Variants in XYLT1 observed in about 807,000 individuals in gnomAD.
XYLT1 encodes the protein beta-D-xylosyltransferase 1.
XYLT1 carries 36 observed loss-of-function variants against 91.3 expected under a neutral mutation model. The observed-to-expected ratio is 0.39, with a 90% CI of 0.30 to 0.52. The LOEUF is 0.52. XYLT1 is among the 20% of genes least tolerant of loss of function. XYLT1 has a pLI of 0.68. For missense variants in XYLT1, 1,242 were observed against 1,284.5 expected, an observed-to-expected ratio of 0.97 and a Z score of 0.51; for synonymous variants, 588 against 532.0, an observed-to-expected ratio of 1.11 and a Z score of -1.45.
intron 1 of XYLT1, among the ~76,000 whole-genome samples, chr16:17,378,523 C>T (rs1460951606): frequency 6.6e-6 from 1 of 152,174 alleles, no homozygotes; most frequent in Non-Finnish European, 1.5e-5. Flanking sequence ...AGTTAGTATT[C>T]TAGCAAGATG....
At chr16:17,156,024 A>G (rs976459423) in intron 6 of XYLT1, among the ~76,000 whole-genome samples, 1 of 152,208 alleles carries the variant, frequency 6.6e-6, no homozygotes, top group Admixed American at 6.5e-5. Flanking sequence ...ATAAACATTT[A>G]CTATGCCAAA....
At chr16:17,124,778 C>G (rs1201912684) in intron 10 of XYLT1, among the ~76,000 whole-genome samples, 1 of 131,158 alleles carries the variant, frequency 7.6e-6, no homozygotes, top group African/African-American at 2.7e-5. Context: ...TTCGTGAAGG[C>G]TTTGTTCATT....
intron 1 of XYLT1, among the ~76,000 whole-genome samples, chr16:17,368,824 T>C (rs2035488944): frequency 6.6e-6 from 1 of 152,112 alleles, no homozygotes; most frequent in Admixed American, 6.6e-5. Context: ...TCTCAAGTGA[T>C]CCTACTGCCT....
At chr16:17,325,750 A>G (rs1338480117) in intron 2 of XYLT1, among the ~76,000 whole-genome samples, 1 of 152,218 alleles carries the variant, frequency 6.6e-6, no homozygotes, top group African/African-American at 2.4e-5. Flanking sequence ...AGCATTTTTG[A>G]GAGTCTTACC....
At chr16:17,166,389 C>T (rs967675409) in intron 5 of XYLT1, among the ~76,000 whole-genome samples, 6 of 152,262 alleles carry the variant, frequency 3.9e-5, no homozygotes, top group African/African-American at 1.4e-4. Context: ...ATAGAAGGTG[C>T]TAAGTAAGTA....
chr16:17,458,825 G>A (rs183969384), intron 1 of XYLT1, among the ~76,000 whole-genome samples: 209 of 152,076 alleles, frequency 1.4e-3, no homozygotes, highest in African/African-American at 4.2e-3. Flanking sequence ...TGAAGCTGCC[G>A]TTTTGATTGG....
chr16:17,356,881 A>T (rs986246229), intron 2 of XYLT1, among the ~76,000 whole-genome samples: 1 of 152,114 alleles, frequency 6.6e-6, no homozygotes, highest in African/African-American at 2.4e-5. Flanking sequence ...CTATTGGTTT[A>T]AAAAGCTGCC....
At chr16:17,306,959 T>C (rs62033205) in intron 2 of XYLT1, among the ~76,000 whole-genome samples, 31,667 of 152,144 alleles carry the variant, frequency 0.21, 3,987 homozygotes, top group Middle Eastern at 0.31. Context: ...AAGCCTGAAC[T>C]TGGGAGTGTA....
chr16:17,342,705 G>C (rs1442228929), intron 2 of XYLT1, among the ~76,000 whole-genome samples: 1 of 151,482 alleles, frequency 6.6e-6, no homozygotes, highest in Admixed American at 6.6e-5. Flanking sequence ...CTGGGCAACA[G>C]AGAGAGACCC....
At chr16:17,293,475 A>G (rs75249223) in intron 2 of XYLT1, among the ~76,000 whole-genome samples, 1,912 of 150,954 alleles carry the variant, frequency 0.013, 65 homozygotes, top group Admixed American at 0.074. Flanking sequence ...TTTTTAACAT[A>G]AAGATTTTCT....
At chr16:17,191,217 A>G in intron 5 of XYLT1, among the ~76,000 whole-genome samples, 1 of 152,226 alleles carries the variant, frequency 6.6e-6, no homozygotes, top group East Asian at 1.9e-4. Flanking sequence ...AAGCACTTAG[A>G]ATAATGCTAG....
At chr16:17,213,454 T>A (rs1407989186) in intron 3 of XYLT1, among the ~76,000 whole-genome samples, 1 of 152,156 alleles carries the variant, frequency 6.6e-6, no homozygotes, top group Non-Finnish European at 1.5e-5. Context: ...GAGGGAGGCA[T>A]TCTGACTATT....
At chr16:17,376,071 C>T (rs1596511284) in intron 1 of XYLT1, among the ~76,000 whole-genome samples, 1 of 152,378 alleles carries the variant, frequency 6.6e-6, no homozygotes, top group South Asian at 2.1e-4. Flanking sequence ...GACTGTGGAT[C>T]ACAGCCAGCG....
chr16:17,277,757 G>A (rs1388016187), intron 2 of XYLT1, among the ~76,000 whole-genome samples: 1 of 152,158 alleles, frequency 6.6e-6, no homozygotes, highest in Non-Finnish European at 1.5e-5. Flanking sequence ...AGAACATGTG[G>A]TATGTAGTCT....
At chr16:17,126,759 A>G (rs532464774) in intron 10 of XYLT1, among the ~76,000 whole-genome samples, 53 of 152,304 alleles carry the variant, frequency 3.5e-4, no homozygotes, top group African/African-American at 1.2e-3. Context: ...TTTTGTGTGA[A>G]TAACACGCAC....
chr16:17,297,582 G>T (rs1327457779), intron 2 of XYLT1, among the ~76,000 whole-genome samples: 1 of 152,048 alleles, frequency 6.6e-6, no homozygotes, highest in South Asian at 2.1e-4. Context: ...ACTTAGCTTG[G>T]TATGGGGGCC....
At chr16:17,404,334 G>A (rs2036004156) in intron 1 of XYLT1, among the ~76,000 whole-genome samples, 1 of 152,214 alleles carries the variant, frequency 6.6e-6, no homozygotes, top group Admixed American at 6.5e-5. Flanking sequence ...TGCTACAGCT[G>A]AGGATGAGGG....
intron 2 of XYLT1, among the ~76,000 whole-genome samples, chr16:17,297,133 G>T (rs963625022): frequency 2.0e-5 from 3 of 152,118 alleles, no homozygotes; most frequent in Non-Finnish European, 2.9e-5. Context: ...AAATGCTGAG[G>T]TCTCAAAGGA....
chr16:17,123,989 CTTTTT>C (rs990493383), intron 10 of XYLT1, among the ~76,000 whole-genome samples: 1 of 152,084 alleles, frequency 6.6e-6, no homozygotes, highest in Admixed American at 6.5e-5. Context: ...CATGGAGTAT[CTTTTT>C]TCACCTTTTT....
Sources: allele counts gnomAD v4.1 joint callset (sites outside exome capture counted in the v4.1 genomes callset), GRCh38; gene constraint gnomAD v4.1.1; transcripts MANE v1.5; gene names NCBI Gene and HGNC (gene_info 2026-07-23, HGNC 2026-07-21).